Variants in ACAD8 observed in about 807,000 individuals in gnomAD.
ACAD8 encodes isobutyryl-CoA dehydrogenase, mitochondrial.
ACAD8 carries 47 observed loss-of-function variants against 53.1 expected under a neutral mutation model. The ratio of observed to expected loss-of-function variants is 0.89; its 90% CI spans 0.70 to 1.13. ACAD8 has a LOEUF of 1.13. ACAD8 is among the 50% of genes most tolerant of loss of function. The probability of loss-of-function intolerance (pLI) is 0.00; values close to 1 mark genes in which losing one functional copy is unlikely to be tolerated. For synonymous variants in ACAD8, 198 were observed against 201.3 expected (o/e 0.98, Z 0.14); for missense variants, 494 against 535.0 (o/e 0.92, Z 0.76).
chr11:134,258,418 T>G, intron 3 of ACAD8, 97 bp from the exon 4 acceptor site: 1 of 813,736 alleles, frequency 1.2e-6, no homozygotes, highest in South Asian at 1.4e-5. Flanking sequence ...TTTACTCCAC[T>G]GCCCTGCCCT....
intron 10 of ACAD8, chr11:134,263,877 G>A (rs371207659): frequency 5.1e-6 from 5 of 985,380 alleles, no homozygotes; most frequent in Non-Finnish European, 6.0e-6. Flanking sequence ...TATTTGAGAC[G>A]ATGTGACTAC....
chr11:134,263,912 T>A (rs1302362270), intron 10 of ACAD8: 1 of 985,332 alleles, frequency 1.0e-6, no homozygotes, highest in Non-Finnish European at 1.2e-6. Flanking sequence ...GGTTTATATT[T>A]CTTTTTGCAT....
Position 134,261,612 on chromosome 11 carries a change from G to C in ACAD8, c.940-126G>C, listed in dbSNP as rs1382077852. On this transcript the variant is annotated intron_variant, in intron 8 of 10. Coordinates refer to ENST00000281182, the MANE Select transcript of ACAD8 (RefSeq NM_014384.3). The surrounding 1 kb of genome is among the most constrained non-coding windows in gnomAD (Gnocchi z 4.2). ...GCAATAAATTTCCTCTATAGAAAAA[G>C]CAAGAGACTTTGAAGCTTTGGATCA... The C allele has an allele frequency of 6.4e-7, 1 of 1,558,118 alleles. No individual in the cohort carries two copies. Among genetic ancestry groups the C allele is most frequent in the African/African-American group, 1.4e-5 (1 of 73,658 alleles).
At chr11:134,264,759 G>A in intron 10 of ACAD8, 149 bp from the exon 11 acceptor site, 1 of 779,872 alleles carries the variant, frequency 1.3e-6, no homozygotes, top group East Asian at 2.4e-5. Flanking sequence ...AGAAGTCTCT[G>A]ATAATCTCAT....
intron 9 of ACAD8, chr11:134,262,318 G>C (rs959318523): frequency 7.5e-6 from 5 of 667,974 alleles, no homozygotes; most frequent in Non-Finnish European, 1.4e-5. Context: ...TCGCCTGTCT[G>C]GGGGGAACTG....
In ACAD8 at chr11:134,261,469, C is replaced by CT. The variant is rs757017320; in HGVS notation, c.939+98dup. ...CCAGGAGAGAAGCCAGGAAATTCCT[C>CT]TGTCAGTCCCACCACTGTCCTAGCC... On this transcript the variant is annotated intron_variant, in intron 8 of 10. Coordinates refer to ENST00000281182, the MANE Select transcript of ACAD8 (RefSeq NM_014384.3). The surrounding 1 kb of genome is among the most constrained non-coding windows in gnomAD (Gnocchi z 4.2). 8 of 1,521,430 alleles carry CT rather than the reference C, an allele frequency of 5.3e-6. No homozygotes were observed. Among genetic ancestry groups the CT allele is most frequent in the East Asian group, 2.3e-5 (1 of 44,166 alleles). The allele number at this position is 1,521,430 out of a possible 1,614,324, so 94.2% of individuals were successfully genotyped here.
rs1940106452 is a variant in ACAD8 at position 134,265,002 on chromosome 11, T to A, written c.*42T>A. The stretch of plus-strand genomic sequence containing the variant: ...GGCCTGGTGTTCAGTGCGACTGCAG[T>A]CAGTGTTGAGTGGTGCCATGTGGGC... On this transcript the variant is annotated 3_prime_UTR_variant, in exon 11 of 11. Coordinates refer to ENST00000281182, the MANE Select transcript of ACAD8 (RefSeq NM_014384.3). 6.2e-7 allele frequency: 1 copy of A among 1,602,536 alleles called. No homozygotes were observed. Among genetic ancestry groups the A allele is most frequent in the African/African-American group, 1.3e-5 (1 of 74,634 alleles).
rs748933800 is a variant in ACAD8 at position 134,261,189 on chromosome 11, G to A, written c.841+10G>A. 14 of 1,613,652 alleles carry A rather than the reference G, an allele frequency of 8.7e-6. No individual in the cohort carries two copies. Among genetic ancestry groups the A allele is most frequent in the Admixed American group, 3.3e-5 (2 of 59,950 alleles). On this transcript the variant is annotated intron_variant, in intron 7 of 10. Transcript: ENST00000281182. The surrounding 1 kb of genome is among the most constrained non-coding windows in gnomAD (Gnocchi z 4.2). ...GGGAGGATCAATATTGGTGAGATACGCAGGGGTGTGGCAGGGAGGTAGCGG... is the reference window on the plus strand; with the variant it reads ...GGGAGGATCAATATTGGTGAGATACACAGGGGTGTGGCAGGGAGGTAGCGG...
intron 6 of ACAD8, chr11:134,260,115 G>A (rs369441529): frequency 2.1e-5 from 25 of 1,177,330 alleles, no homozygotes; most frequent in South Asian, 5.1e-5. Flanking sequence ...AATGGAAGGC[G>A]TGTGGTCCCT....
intron 6 of ACAD8, chr11:134,260,673 A>G: frequency 2.8e-6 from 1 of 351,908 alleles, no homozygotes; most frequent in Non-Finnish European, 5.5e-6. Flanking sequence ...ATGTAAAGGC[A>G]GTCTATTTTC....
chr11:134,256,556 G>A lies in ACAD8; in HGVS notation c.118G>A (p.Gly40Arg). 6.2e-7 allele frequency: 1 copy of A among 1,614,092 alleles called. No homozygotes were observed. Among genetic ancestry groups the A allele is most frequent in the Non-Finnish European group, 8.5e-7 (1 of 1,179,976 alleles). ...TGCAATCCTGCCCACAGCTTCCATG[G>A]GACTTAATGAAGAGCAGAAAGAATT... Reference protein sequence around the residue: ...SLTSCIDPSMGLNEEQKEFQK... With the variant: ...SLTSCIDPSMRLNEEQKEFQK... Residue 40 changes from glycine to arginine, a missense_variant, in exon 2 of 11, where the codon GGA becomes AGA. Coordinates refer to ENST00000281182, the MANE Select transcript of ACAD8 (RefSeq NM_014384.3).
At chr11:134,262,006 A>G (rs997589806) in intron 9 of ACAD8, 116 bp downstream of exon 9, 1 of 1,266,736 alleles carries the variant, frequency 7.9e-7, no homozygotes, top group Middle Eastern at 1.9e-4. Context: ...CACAAGGATC[A>G]CCTTAAGCTT....
At chr11:134,258,130 G>A (rs984465904) in intron 3 of ACAD8, 4 of 332,302 alleles carry the variant, frequency 1.2e-5, no homozygotes, top group Non-Finnish European at 2.3e-5. Context: ...GATTACAGAT[G>A]TGAGCCACCG....
In ACAD8 at chr11:134,262,244, C is replaced by T. The variant is rs1048515233; in HGVS notation, c.1093-276C>T. On this transcript the variant is annotated intron_variant, in intron 9 of 10. Transcript: ENST00000281182. ...GAACCATAGCTTTTTATCATCCCAG[C>T]CAGGGTGGCTGTGGGCAGCTTCTGC... is the stretch of plus-strand genomic sequence containing the variant. The T allele has an allele frequency of 4.6e-6, 3 of 650,916 alleles. No individual in the cohort carries two copies. In the African/African-American group the frequency reaches 5.3e-5, roughly 12 times the overall value. The allele number at this position is 650,916 out of a possible 1,614,324, so 40.3% of individuals were successfully genotyped here.
At chr11:134,257,840 T>G (rs1939635614) in intron 3 of ACAD8, 1 of 164,806 alleles carries the variant, frequency 6.1e-6, no homozygotes. Context: ...CAGGGTCCTC[T>G]CACCCTTTTA....
Position 134,253,688 on chromosome 11 carries a change from A to C in ACAD8, c.88A>C (p.Ser30Arg), listed in dbSNP as rs1939263230. ...GGTCCTCGTCCAGACCGGCCACCGGAGCTTGACCTCCTGCATCGACCGTAA... is the reference window on the plus strand; with the variant it reads ...GGTCCTCGTCCAGACCGGCCACCGGCGCTTGACCTCCTGCATCGACCGTAA... ...LRVLVQTGHR[S>R]LTSCIDPSMG... is the part of the protein sequence containing the mutation. The change falls in exon 1 of 11, where the codon AGC becomes CGC. Residue 30 changes from serine (S) to arginine (R), a missense_variant. By Grantham distance (110) the Ser-to-Arg change is moderately radical (BLOSUM62 -1). Transcript: ENST00000281182. The C allele has an allele frequency of 6.3e-7, 1 of 1,599,554 alleles. No homozygotes were observed. The highest frequency in any genetic ancestry group is 1.1e-5 in the South Asian group (1 of 89,134).
At chr11:134,263,259 G>T (rs1591517917) in intron 10 of ACAD8, 1 of 1,004,976 alleles carries the variant, frequency 1.0e-6, no homozygotes. Flanking sequence ...AGGCTTCTTT[G>T]AGTGACTTCG....
At chr11:134,262,270 C>G (rs1157733183) in intron 9 of ACAD8, 2 of 659,126 alleles carry the variant, frequency 3.0e-6, no homozygotes, top group Non-Finnish European at 5.6e-6. Context: ...CAGCTTCTGC[C>G]TGGCAGGTAA....
At chr11:134,257,684 TAAATA>T (rs1939625888) in intron 3 of ACAD8, 2 of 281,906 alleles carry the variant, frequency 7.1e-6, no homozygotes, top group Admixed American at 4.9e-5. Flanking sequence ...AAAAAATAAA[TAAATA>T]AAATAAGTAC....
Sources: gnomAD v4.1 joint callset for allele counts on GRCh38, gnomAD v4.1.1 for gene constraint, Gnocchi (gnomAD v3.1) non-coding constraint, MANE v1.5 for transcripts, NCBI Gene and HGNC (gene_info 2026-07-23, HGNC 2026-07-21) for gene names.